Variants in NLGN4Y observed in about 807,000 individuals in gnomAD.
The protein encoded by NLGN4Y is neuroligin-4, Y-linked.
In NLGN4Y, 4 loss-of-function variants were observed where a neutral mutation model predicts 8.4. The observed-to-expected ratio is 0.48, with a 90% CI of 0.23 to 1.09. NLGN4Y has a LOEUF of 1.09. NLGN4Y is among the 50% of genes least tolerant of loss of function. NLGN4Y has a pLI of 0.19. For synonymous variants in NLGN4Y, 35 were observed against 75.6 expected, an observed-to-expected ratio of 0.46 and a Z score of 2.78; for missense variants, 90 against 192.3, an observed-to-expected ratio of 0.47 and a Z score of 3.15.
intron 1 of NLGN4Y, among the ~76,000 whole-genome samples, chrY:14,578,487 G>A: frequency 1.2e-4 from 4 of 33,593 alleles, no homozygotes; most frequent in Admixed American, 8.2e-4. Flanking sequence ...ATTGGCTCAT[G>A]GTTTTTTAAA....
At chrY:14,755,967 G>A in intron 4 of NLGN4Y, among the ~76,000 whole-genome samples, 1 of 33,962 alleles carries the variant, frequency 2.9e-5, no homozygotes, top group African/African-American at 1.1e-4. Context: ...TACAACATGG[G>A]TCCTTAACAT....
chrY:14,533,238 T>C (rs2080119856), intron 1 of NLGN4Y, among the ~76,000 whole-genome samples: 1 of 33,360 alleles, frequency 3.0e-5, no homozygotes, highest in South Asian at 6.5e-4. Flanking sequence ...CAAATATTAG[T>C]GATCCTTTTT....
chrY:14,580,678 G>A, intron 1 of NLGN4Y, among the ~76,000 whole-genome samples: 2 of 30,149 alleles, frequency 6.6e-5, no homozygotes, highest in African/African-American at 1.3e-4. Flanking sequence ...TTCTTCTTAG[G>A]GATTGTGAGA....
chrY:14,653,536 T>C (rs778267506), intron 2 of NLGN4Y, among the ~76,000 whole-genome samples: 32 of 32,206 alleles, frequency 9.9e-4, no homozygotes, highest in African/African-American at 3.7e-3. Flanking sequence ...CACACCACCA[T>C]ACCTGGCTAA....
chrY:14,604,739 G>A, intron 1 of NLGN4Y, among the ~76,000 whole-genome samples: 2 of 33,138 alleles, frequency 6.0e-5, no homozygotes. Context: ...TATATTTGGT[G>A]TCTTCCTTAT....
chrY:14,823,443 T>TA (rs2043130723), intron 4 of NLGN4Y, among the ~76,000 whole-genome samples: 2 of 33,494 alleles, frequency 6.0e-5, no homozygotes, highest in Non-Finnish European at 1.5e-4. Context: ...GTTCCTTACA[T>TA]ACAATTTCTT....
intron 2 of NLGN4Y, among the ~76,000 whole-genome samples, chrY:14,664,419 A>G: frequency 3.0e-5 from 1 of 33,008 alleles, no homozygotes; most frequent in African/African-American, 1.2e-4. Flanking sequence ...CAGCCCCACC[A>G]CATAATAAGA....
intron 2 of NLGN4Y, among the ~76,000 whole-genome samples, chrY:14,718,031 T>G: frequency 3.0e-5 from 1 of 33,620 alleles, no homozygotes; most frequent in Non-Finnish European, 7.4e-5. Flanking sequence ...TGGACGGACA[T>G]TGAAAATATT....
chrY:14,837,202 T>G, intron 6 of NLGN4Y, among the ~76,000 whole-genome samples: 1 of 33,722 alleles, frequency 3.0e-5, no homozygotes, highest in African/African-American at 1.2e-4. Context: ...ATGAACATCC[T>G]CCCCTGGTGT....
intron 4 of NLGN4Y, among the ~76,000 whole-genome samples, chrY:14,765,674 C>T: frequency 6.0e-5 from 2 of 33,172 alleles, no homozygotes; most frequent in African/African-American, 1.2e-4. Context: ...TTATGTTGTG[C>T]GAGTTTCAGG....
chrY:14,759,285 GTTT>G (rs752683095), intron 4 of NLGN4Y, among the ~76,000 whole-genome samples: 1 of 31,144 alleles, frequency 3.2e-5, no homozygotes, highest in Non-Finnish European at 7.9e-5. Context: ...AAAAGATACT[GTTT>G]TTTTTTGTTT....
chrY:14,576,303 C>T (rs2080298342), intron 1 of NLGN4Y, among the ~76,000 whole-genome samples: 1 of 33,570 alleles, frequency 3.0e-5, no homozygotes, highest in African/African-American at 1.2e-4. Flanking sequence ...TACCCCTCCC[C>T]CAGCCTCACT....
At chrY:14,710,224 A>T in intron 2 of NLGN4Y, among the ~76,000 whole-genome samples, 2 of 33,864 alleles carry the variant, frequency 5.9e-5, no homozygotes, top group Non-Finnish European at 1.5e-4. Flanking sequence ...TGAAAAATAT[A>T]TATTCAGAGC....
intron 2 of NLGN4Y, among the ~76,000 whole-genome samples, chrY:14,667,505 A>G (rs761564664): frequency 3.0e-5 from 1 of 33,134 alleles, no homozygotes; most frequent in Admixed American, 2.8e-4. Context: ...ATTTTCAACA[A>G]CACTTTCAAT....
At chrY:14,777,451 G>A (rs760184909) in intron 4 of NLGN4Y, among the ~76,000 whole-genome samples, 8 of 33,682 alleles carry the variant, frequency 2.4e-4, no homozygotes, top group African/African-American at 9.2e-4. Context: ...TGTAAAGTCA[G>A]ATATACCATT....
chrY:14,718,506 A>G (rs2080923699), intron 2 of NLGN4Y, among the ~76,000 whole-genome samples: 1 of 33,374 alleles, frequency 3.0e-5, no homozygotes, highest in Admixed American at 2.8e-4. Flanking sequence ...AATTCAAGCA[A>G]AATTAAATGT....
intron 1 of NLGN4Y, among the ~76,000 whole-genome samples, chrY:14,595,110 T>A: frequency 5.9e-5 from 2 of 33,626 alleles, no homozygotes; most frequent in African/African-American, 2.3e-4. Flanking sequence ...AGGACATCTA[T>A]GTACCTATCA....
chrY:14,724,147 C>G, intron 4 of NLGN4Y, among the ~76,000 whole-genome samples: 1 of 33,533 alleles, frequency 3.0e-5, no homozygotes, highest in Admixed American at 2.7e-4. Context: ...TGCATTTGAT[C>G]TTGAATTGAA....
intron 3 of NLGN4Y, 111 bp downstream of exon 3, chrY:14,719,629 A>T: frequency 1.0e-5 from 1 of 99,861 alleles, no homozygotes; most frequent in Non-Finnish European, 1.8e-5. Flanking sequence ...ACTCTTGTAC[A>T]CTTTTGTGTG....
Sources: gnomAD v4.1 joint callset for allele counts (sites outside exome capture counted in the v4.1 genomes callset) on GRCh38, gnomAD v4.1.1 for gene constraint, MANE v1.5 for transcripts, NCBI Gene and HGNC (gene_info 2026-07-23, HGNC 2026-07-21) for gene names.